Variants in PCDHGC5 observed in about 807,000 individuals in gnomAD.
The protein encoded by PCDHGC5 is protocadherin gamma-C5.
Under a neutral mutation model 59.0 loss-of-function variants are expected in PCDHGC5, and 25 were observed. That is an observed-to-expected ratio of 0.42 (90% CI 0.31 to 0.59). The LOEUF (loss-of-function observed/expected upper bound fraction) is 0.59, where lower values mean the gene tolerates loss of function less well. Among genes scored for constraint, PCDHGC5 ranks in the 20% least tolerant of loss-of-function variants. The probability of loss-of-function intolerance (pLI) is 0.13; values close to 1 mark genes in which losing one functional copy is unlikely to be tolerated. For synonymous variants in PCDHGC5, 434 were observed against 505.5 expected, an observed-to-expected ratio of 0.86 and a Z score of 1.90; for missense variants, 1,067 against 1,206.4, an observed-to-expected ratio of 0.88 and a Z score of 1.71.
intron 2 of PCDHGC5, among the ~76,000 whole-genome samples, chr5:141,502,496 C>T (rs934563545): frequency 2.0e-5 from 3 of 152,178 alleles, no homozygotes; most frequent in Admixed American, 6.5e-5. Context: ...ACTCATCTAA[C>T]GTCGGCCTGT....
rs568123995 is a variant in PCDHGC5 at position 141,511,539 on chromosome 5, C to G, written c.*366C>G. The G allele has an allele frequency of 3.0e-5, 10 of 328,342 alleles. No individual in the cohort carries two copies. The highest frequency in any genetic ancestry group is 2.1e-4 in the African/African-American group (10 of 47,452). The allele number at this position is 328,342 out of a possible 1,614,324, so 20.3% of individuals were successfully genotyped here. ...CATCCCATGCCTCCCTCCTCCCCAC[C>G]CCACTCCAACAGTTCCTCTTTCCCG... On this transcript the variant is annotated 3_prime_UTR_variant, in exon 4 of 4. Transcript: ENST00000252087.
chr5:141,508,737 C>A (rs919094477), intron 3 of PCDHGC5, among the ~76,000 whole-genome samples: 8 of 152,010 alleles, frequency 5.3e-5, no homozygotes, highest in Non-Finnish European at 1.2e-4. Flanking sequence ...CTACACCCCC[C>A]ACCCCGCTCT....
rs775654786 is a variant in PCDHGC5 at position 141,491,718 on chromosome 5, G to A, written c.2460+18G>A. Reference sequence around the variant, plus strand: ...GGAGCCAGGTGAGGGGCTCGGCGCCGCCCCGGGCGACCCCTGGGGGCGGCA... The same window carrying A: ...GGAGCCAGGTGAGGGGCTCGGCGCCACCCCGGGCGACCCCTGGGGGCGGCA... On this transcript the variant is annotated intron_variant, in intron 1 of 3. Coordinates refer to ENST00000252087, the MANE Select transcript of PCDHGC5 (RefSeq NM_018929.3). This position sits in a 1 kb window ranked among gnomAD's most constrained non-coding sequence, Gnocchi z 6.9. 1 of 1,607,600 alleles carries A rather than the reference G, an allele frequency of 6.2e-7. No homozygotes were observed. The highest frequency in any genetic ancestry group is 2.2e-5 in the East Asian group (1 of 44,690).
intron 2 of PCDHGC5, 114 bp from the exon 3 acceptor site, chr5:141,505,279 C>A (rs780513022): frequency 1.3e-6 from 2 of 1,541,274 alleles, no homozygotes; most frequent in Non-Finnish European, 1.7e-6. Flanking sequence ...AGAAACAGGT[C>A]TTGGGCATGG....
In PCDHGC5 at chr5:141,493,511, T is replaced by G. The variant is rs1203329648; in HGVS notation, c.2461-1296T>G. Among the ~76,000 whole-genome samples the G allele has an allele frequency of 6.6e-6, 1 of 152,094 alleles. No individual in the cohort carries two copies. Reference sequence around the variant, plus strand: ...TCTGTGGCTCCTCATTTCTGAGCAGTCCCCGCAGCGCAAACTTGGCCAGTT... The same window carrying G: ...TCTGTGGCTCCTCATTTCTGAGCAGGCCCCGCAGCGCAAACTTGGCCAGTT... On this transcript the variant is annotated intron_variant, in intron 1 of 3. Coordinates refer to ENST00000252087, the MANE Select transcript of PCDHGC5 (RefSeq NM_018929.3). This position sits in a 1 kb window ranked among gnomAD's most constrained non-coding sequence, Gnocchi z 4.3.
intron 3 of PCDHGC5, among the ~76,000 whole-genome samples, chr5:141,508,989 G>A (rs900798347): frequency 1.3e-5 from 2 of 152,110 alleles, no homozygotes; most frequent in Non-Finnish European, 2.9e-5. Flanking sequence ...GGGGCCAGCT[G>A]GGGTAGGAGA....
Position 141,491,935 on chromosome 5 carries a change from C to A in PCDHGC5, c.2460+235C>A. 1 of 1,205,518 alleles carries A rather than the reference C, an allele frequency of 8.3e-7. No homozygotes were observed. Among genetic ancestry groups the A allele is most frequent in the South Asian group, 1.7e-5 (1 of 59,176 alleles). 74.7% of individuals were successfully genotyped at this position (1,205,518 alleles called of 1,614,324 possible). On this transcript the variant is annotated intron_variant, in intron 1 of 3. Transcript: ENST00000252087. The surrounding 1 kb of genome is among the most constrained non-coding windows in gnomAD (Gnocchi z 6.9). ...GACTGTGGGCGAGGGGAGGTGGGACCGACCCCCACCCCTACACTCAAAAAA... is the reference window on the plus strand; with the variant it reads ...GACTGTGGGCGAGGGGAGGTGGGACAGACCCCCACCCCTACACTCAAAAAA...
In PCDHGC5 at chr5:141,505,574, CCT is replaced by C. The variant is rs562555098; in HGVS notation, c.2608+94_2608+95del. 5.3e-5 allele frequency: 85 copies of C among 1,593,636 alleles called. No individual in the cohort carries two copies. The African/African-American group carries it at 1.0e-3, about 20-fold the overall frequency. On this transcript the variant is annotated intron_variant, in intron 3 of 3. Coordinates refer to ENST00000252087, the MANE Select transcript of PCDHGC5 (RefSeq NM_018929.3). ...CCATGCCCACGGACTGGATGTCAAACCTGTGTAGTTTCTCCAGATCTTTCGGC... is the reference window on the plus strand; with the variant it reads ...CCATGCCCACGGACTGGATGTCAAACGTGTAGTTTCTCCAGATCTTTCGGC...
Position 141,489,748 on chromosome 5 carries a change from T to G in PCDHGC5, c.508T>G (p.Tyr170Asp). 6.2e-7 allele frequency: 1 copy of G among 1,614,156 alleles called. No homozygotes were observed. Among genetic ancestry groups the G allele is most frequent in the African/African-American group, 1.3e-5 (1 of 75,054 alleles). The change falls in exon 1 of 4, where the codon TAC becomes GAC. Residue 170 changes from tyrosine to aspartate, a missense_variant. Transcript: ENST00000252087. This position sits in a 1 kb window ranked among gnomAD's most constrained non-coding sequence, Gnocchi z 4.5. ...TGTGGGCACCAATACTGTGAGCTTTTACACTCTAAGCCCCAACAGCCACTT... is the reference window on the plus strand; with the variant it reads ...TGTGGGCACCAATACTGTGAGCTTTGACACTCTAAGCCCCAACAGCCACTT... ...PDVGTNTVSF[Y>D]TLSPNSHFSL...
At chr5:141,494,268 C>G (rs576129333) in intron 1 of PCDHGC5, among the ~76,000 whole-genome samples, 31 of 152,288 alleles carry the variant, frequency 2.0e-4, no homozygotes, top group African/African-American at 7.2e-4. Flanking sequence ...TTCTTGCAAG[C>G]CAAGGGCCCA....
intron 3 of PCDHGC5, among the ~76,000 whole-genome samples, 193 bp downstream of exon 3, chr5:141,505,674 G>C (rs1482125302): frequency 6.6e-6 from 1 of 152,192 alleles, no homozygotes; most frequent in East Asian, 1.9e-4. Context: ...GGGGTTGGGG[G>C]TCCTGGGATG....
chr5:141,507,609 A>G (rs2099862010), intron 3 of PCDHGC5, among the ~76,000 whole-genome samples: 1 of 152,260 alleles, frequency 6.6e-6, no homozygotes, highest in Non-Finnish European at 1.5e-5. Context: ...ATAAACAGGT[A>G]TATTTAGCTG....
intron 2 of PCDHGC5, among the ~76,000 whole-genome samples, chr5:141,496,538 T>G (rs568286018): frequency 1.5e-4 from 23 of 152,266 alleles, no homozygotes; most frequent in African/African-American, 5.5e-4. Flanking sequence ...TGGCAGAGAT[T>G]CCAGCTTCTG....
At position 141,505,425 on chromosome 5, in the gene PCDHGC5, C is replaced by G; in HGVS notation, c.2552C>G (p.Pro851Arg). 1 of 1,614,178 alleles carries G rather than the reference C, an allele frequency of 6.2e-7. No individual in the cohort carries two copies. Among genetic ancestry groups the G allele is most frequent in the Non-Finnish European group, 8.5e-7 (1 of 1,180,014 alleles). ...SQNGDDTGTW[P>R]NNQFDTEMLQ... ...AATGGCGATGACACCGGCACCTGGC[C>G]CAACAACCAGTTTGACACAGAGATG... The change falls in exon 3 of 4, where the codon CCC becomes CGC. Residue 851 changes from proline to arginine, a missense_variant. Transcript: ENST00000252087.
At chr5:141,497,142 C>T (rs1316569011) in intron 2 of PCDHGC5, among the ~76,000 whole-genome samples, 2 of 149,678 alleles carry the variant, frequency 1.3e-5, no homozygotes, top group South Asian at 2.1e-4. Context: ...GCTGAGATCA[C>T]GAAAAAAAAA....
intron 2 of PCDHGC5, among the ~76,000 whole-genome samples, chr5:141,500,187 TA>T (rs56304898): frequency 0.051 from 5,679 of 110,700 alleles, 126 homozygotes; most frequent in Middle Eastern, 0.14. Flanking sequence ...TTTTTATTTT[TA>T]TTTATTTATT....
chr5:141,492,616 G>A (rs976681246), intron 1 of PCDHGC5, among the ~76,000 whole-genome samples: 1 of 152,252 alleles, frequency 6.6e-6, no homozygotes. Flanking sequence ...CTAAGTGCCG[G>A]GCGGGCAGGA....
chr5:141,491,945 C>T lies in PCDHGC5; in HGVS notation c.2460+245C>T. ...GAGGGGAGGTGGGACCGACCCCCAC[C>T]CCTACACTCAAAAAAGGCCGGGGCC... On this transcript the variant is annotated intron_variant, in intron 1 of 3. Coordinates refer to ENST00000252087, the MANE Select transcript of PCDHGC5 (RefSeq NM_018929.3). The surrounding 1 kb of genome is among the most constrained non-coding windows in gnomAD (Gnocchi z 6.9). 1.8e-6 allele frequency: 2 copies of T among 1,116,616 alleles called. No individual in the cohort carries two copies. 69.2% of individuals were successfully genotyped at this position (1,116,616 alleles called of 1,614,324 possible). A position where few individuals can be genotyped will look rare whatever the true frequency, so the allele number is the denominator to read the frequency against.
chr5:141,494,198 C>T (rs1383940298), intron 1 of PCDHGC5, among the ~76,000 whole-genome samples: 8 of 152,158 alleles, frequency 5.3e-5, no homozygotes, highest in African/African-American at 1.7e-4. Context: ...TTGGATGCCC[C>T]GCAAAGGCCC....
Sources: gnomAD v4.1 joint callset for allele counts (sites outside exome capture counted in the v4.1 genomes callset) on GRCh38, gnomAD v4.1.1 for gene constraint, Gnocchi (gnomAD v3.1) non-coding constraint, MANE v1.5 for transcripts, NCBI Gene and HGNC (gene_info 2026-07-23, HGNC 2026-07-21) for gene names.